The following CFAP69 variants were observed in gnomAD, a reference collection of about 807,000 sequenced individuals.
CFAP69 encodes cilia and flagella associated protein 69, also known as cilia- and flagella-associated protein 69.
A neutral mutation model predicts 123.0 loss-of-function variants in CFAP69; 92 were observed. The observed-to-expected ratio is 0.75, with a 90% CI of 0.63 to 0.89. The LOEUF (loss-of-function observed/expected upper bound fraction) is 0.89, where lower values mean the gene tolerates loss of function less well. Among genes scored for constraint, CFAP69 ranks in the 40% least tolerant of loss-of-function variants. The pLI is 0.00. For missense variants in CFAP69, 1,067 were observed against 1,096.9 expected (o/e 0.97, Z 0.39); for synonymous variants, 380 against 364.3 (o/e 1.04, Z -0.49).
intron 1 of CFAP69, among the ~76,000 whole-genome samples, chr7:90,255,081 G>T (rs538902533): frequency 1.3e-5 from 2 of 152,198 alleles, no homozygotes; most frequent in Non-Finnish European, 2.9e-5. Context: ...CTCTTACCAT[G>T]TATCTGCATA....
chr7:90,297,162 G>A (rs1211119404), intron 15 of CFAP69, among the ~76,000 whole-genome samples: 2 of 152,134 alleles, frequency 1.3e-5, no homozygotes, highest in African/African-American at 2.4e-5. Context: ...GAGTCAAGTT[G>A]GAATTTGGTA....
At chr7:90,282,760 T>C in intron 12 of CFAP69, 132 bp from the exon 13 acceptor site, 1 of 650,706 alleles carries the variant, frequency 1.5e-6, no homozygotes, top group Non-Finnish European at 2.3e-6. Flanking sequence ...ATTTTATTTC[T>C]CTAAAAAAAA....
chr7:90,267,056 C>A (rs12704517), intron 5 of CFAP69, among the ~76,000 whole-genome samples: 8,111 of 152,180 alleles, frequency 0.053, 273 homozygotes, highest in Non-Finnish European at 0.077. Flanking sequence ...CATAAGCCTG[C>A]ATATTTGGAT....
Position 90,310,168 on chromosome 7 carries a change from GA to G in CFAP69, c.2757del (p.Gly920GlufsTer7). The G allele has an allele frequency of 6.2e-7, 1 of 1,613,914 alleles. No individual in the cohort carries two copies. Among genetic ancestry groups the G allele is most frequent in the Non-Finnish European group, 8.5e-7 (1 of 1,179,874 alleles). ...TDIALKKLPI[R>X]GGALQRVKAV... ...ATTGCTCTTAAAAAACTGCCCATTC[GA>G]GGAGGAGCCTTGCAGAGGGTGAAAG... On this transcript the variant is annotated frameshift_variant, in exon 23 of 23. Coordinates refer to ENST00000389297, the MANE Select transcript of CFAP69 (RefSeq NM_001039706.3). LOFTEE classifies it high-confidence loss of function.
intron 4 of CFAP69, 148 bp downstream of exon 4, chr7:90,262,204 C>T (rs6974809): frequency 0.87 from 441,083 of 505,238 alleles, 193,252 homozygotes; most frequent in East Asian, 1. Context: ...CAGCAGTTGG[C>T]ATTTCAGGTA....
rs778176995 is a variant in CFAP69 at position 90,258,177 on chromosome 7, A to G, written c.246+14A>G. 6.6e-7 allele frequency: 1 copy of G among 1,515,708 alleles called. No homozygotes were observed. Among genetic ancestry groups the G allele is most frequent in the South Asian group, 1.2e-5 (1 of 84,356 alleles). The allele number at this position is 1,515,708 out of a possible 1,614,324, so 93.9% of individuals were successfully genotyped here. A position where few individuals can be genotyped will look rare whatever the true frequency, so the allele number is the denominator to read the frequency against. ...CAGAATGGACTTGTATCCTTTACATATATATGTATGTTCATTTCATTTATT... is the reference window on the plus strand; with the variant it reads ...CAGAATGGACTTGTATCCTTTACATGTATATGTATGTTCATTTCATTTATT... On this transcript the variant is annotated intron_variant, in intron 3 of 22. Transcript: ENST00000389297.
chr7:90,298,272 A>AAGAAGT lies in CFAP69; in HGVS notation c.1857+443_1857+448dup, dbSNP rs568420069. 1.1e-4 allele frequency among the ~76,000 whole-genome samples: 17 copies of AAGAAGT among 152,330 alleles called. No individual in the cohort carries two copies. The South Asian group carries it at 3.5e-3, about 32-fold the overall frequency. ...CTATGTATTATTTGGAGGTAACCTG[A>AAGAAGT]AGAAGTCTAGTGACTCATGGACCAT... On this transcript the variant is annotated intron_variant, in intron 16 of 22. Coordinates refer to ENST00000389297, the MANE Select transcript of CFAP69 (RefSeq NM_001039706.3).
chr7:90,251,635 A>G (rs10240790), intron 1 of CFAP69, among the ~76,000 whole-genome samples: 94,939 of 151,942 alleles, frequency 0.62, 31,019 homozygotes, highest in Non-Finnish European at 0.72. Context: ...AGGTGAGGAC[A>G]TTGTTATTCC....
chr7:90,257,281 C>T (rs1023880708), intron 2 of CFAP69, among the ~76,000 whole-genome samples: 23 of 152,216 alleles, frequency 1.5e-4, no homozygotes, highest in African/African-American at 5.5e-4. Flanking sequence ...TTCCCAATTT[C>T]CTAATCAAAT....
Position 90,255,410 on chromosome 7 carries a change from G to C in CFAP69, c.121-13G>C. On this transcript the variant is annotated splice_polypyrimidine_tract_variant and intron_variant, in intron 1 of 22. Coordinates refer to ENST00000389297, the MANE Select transcript of CFAP69 (RefSeq NM_001039706.3). ...AAGATGATCTAGAATAGTAAGAGTT[G>C]TATGTTTTTTAGGATGTTTTCAAGC... The C allele has an allele frequency of 6.2e-7, 1 of 1,605,252 alleles. No individual in the cohort carries two copies. Among genetic ancestry groups the C allele is most frequent in the South Asian group, 1.1e-5 (1 of 90,738 alleles).
Position 90,245,240 on chromosome 7 carries a change from A to C in CFAP69, c.-185A>C. On this transcript the variant is annotated 5_prime_UTR_variant, in exon 1 of 23. Transcript: ENST00000389297. The stretch of plus-strand genomic sequence containing the variant: ...AGGTCTGGGTCAACTGGGGGGCGGC[A>C]GCGGCGCTAAGCGGACTGTATGGCG... 1.5e-6 allele frequency: 1 copy of C among 668,710 alleles called. No individual in the cohort carries two copies. The highest frequency in any genetic ancestry group is 2.2e-6 in the Non-Finnish European group (1 of 452,592). 41.4% of individuals were successfully genotyped at this position (668,710 alleles called of 1,614,324 possible).
At chr7:90,304,882 T>C (rs1584543768) in intron 19 of CFAP69, 62 bp downstream of exon 19, 1 of 1,092,636 alleles carries the variant, frequency 9.2e-7, no homozygotes, top group Non-Finnish European at 1.3e-6. Context: ...AACTGGAAAA[T>C]AAAATATCTA....
At chr7:90,319,468 G>A in the CFAP69 span, 1 of 398,560 alleles carries the variant, frequency 2.5e-6, no homozygotes, top group East Asian at 3.6e-5. Context: ...GAAATCCTGA[G>A]CTATGTTTAA....
chr7:90,307,829 G>A lies in CFAP69; in HGVS notation c.2525G>A (p.Arg842Lys), dbSNP rs972096067. 8.1e-6 allele frequency: 13 copies of A among 1,611,596 alleles called. No individual in the cohort carries two copies. The highest frequency in any genetic ancestry group is 1.1e-5 in the Non-Finnish European group (13 of 1,178,596). The change falls in exon 21 of 23, where the codon AGA becomes AAA. Residue 842 changes from arginine to lysine, a missense_variant. Physicochemically the swap from Arg to Lys is conservative, Grantham distance 26 (BLOSUM62 2). Transcript: ENST00000389297. ...AAATCATGGGAAGATTTCTTGGCTAGAACATCAAACGCTAAAACGTTAAAG... is the reference window on the plus strand; with the variant it reads ...AAATCATGGGAAGATTTCTTGGCTAAAACATCAAACGCTAAAACGTTAAAG... ...ANKSWEDFLARTSNAKTLKKA... is the reference protein window; with the variant it reads ...ANKSWEDFLAKTSNAKTLKKA...
At position 90,292,855 on chromosome 7, in the gene CFAP69, A is replaced by C. The variant is rs17866765; in HGVS notation, c.1775+4503A>C. ...AGAGTTCTGAAAGGTTTTTTCCTCT[A>C]TTCAGAGATCACAATCTCCAAAGTT... On this transcript the variant is annotated intron_variant, in intron 15 of 22. Transcript: ENST00000389297. Among the ~76,000 whole-genome samples, 1,239 of 152,324 alleles carry C rather than the reference A, an allele frequency of 8.1e-3. 16 individuals carry two copies. The highest frequency in any genetic ancestry group is 0.029 in the African/African-American group (1,187 of 41,570).
At chr7:90,304,423 C>T (rs931738152) in intron 18 of CFAP69, 17 of 1,180,490 alleles carry the variant, frequency 1.4e-5, no homozygotes, top group Non-Finnish European at 1.8e-5. Context: ...TTTTTTAAGT[C>T]TTTGCTGTCT....
rs1798776681 is a variant in CFAP69, at chr7:90,264,107, ATATATATATATATATATATAT to A, written c.357-1193_357-1173del. Among the ~76,000 whole-genome samples the A allele has an allele frequency of 1.9e-3, 116 of 61,986 alleles. 23 individuals are homozygous for A. Among genetic ancestry groups the A allele is most frequent in the African/African-American group, 8.3e-3 (112 of 13,568 alleles). 40.7% of individuals were successfully genotyped at this position (61,986 alleles called of 152,430 possible). A position where few individuals can be genotyped will look rare whatever the true frequency, so the allele number is the denominator to read the frequency against. On this transcript the variant is annotated intron_variant, in intron 4 of 22. Transcript: ENST00000389297. Reference sequence around the variant, plus strand: ...CTCCATCTCGAAAAAAAAAAAAAATATATATATATATATATATATATATATATATATATATATATATATGAA... The same window carrying A: ...CTCCATCTCGAAAAAAAAAAAAAATAATATATATATATATATATATATGAA...
At chr7:90,274,246 A>C in intron 9 of CFAP69, 136 bp downstream of exon 9, 1 of 1,047,602 alleles carries the variant, frequency 9.5e-7, no homozygotes, top group Non-Finnish European at 1.3e-6. Flanking sequence ...GATGGTCACC[A>C]GTGTGCTTAT....
chr7:90,305,045 G>A (rs752336954), intron 19 of CFAP69, among the ~76,000 whole-genome samples: 1 of 152,092 alleles, frequency 6.6e-6, no homozygotes, highest in Non-Finnish European at 1.5e-5. Context: ...GAAAGAAGAT[G>A]TACAAAACTG....
Sources: allele counts gnomAD v4.1 joint callset (sites outside exome capture counted in the v4.1 genomes callset), GRCh38; gene constraint gnomAD v4.1.1; transcripts MANE v1.5; gene names NCBI Gene and HGNC (gene_info 2026-07-23, HGNC 2026-07-21).